Variants in WASL observed in about 807,000 individuals in gnomAD.
The protein encoded by WASL is WASP like actin nucleation promoting factor, also known as actin nucleation-promoting factor WASL.
A neutral mutation model predicts 55.5 loss-of-function variants in WASL; 20 were observed. The observed-to-expected ratio is 0.36, with a 90% CI of 0.25 to 0.52. WASL has a LOEUF of 0.52. Among genes scored for constraint, WASL ranks in the 20% least tolerant of loss-of-function variants. The pLI, the probability that WASL is intolerant of heterozygous loss-of-function variation, is 0.92. For missense variants in WASL, 504 were observed against 622.5 expected, an observed-to-expected ratio of 0.81 and a Z score of 2.03; for synonymous variants, 249 against 217.6, an observed-to-expected ratio of 1.14 and a Z score of -1.27.
rs1803411216 is a variant in WASL at position 123,691,678 on chromosome 7, A to C, written c.1347+669T>G. On this transcript the variant is annotated intron_variant, in intron 9 of 10. Transcript: ENST00000223023. Reference sequence around the variant, plus strand: ...AATGTTTGCTGAACTCTAGAAGATTAAATGACCTGTAAGATTAAATGATTA... The same window carrying C: ...AATGTTTGCTGAACTCTAGAAGATTCAATGACCTGTAAGATTAAATGATTA... Among the ~76,000 whole-genome samples the C allele has an allele frequency of 2.6e-5, 4 of 152,234 alleles. No individual in the cohort carries two copies. In the South Asian group the frequency reaches 6.2e-4, roughly 24 times the overall value.
rs759720155 is a variant in WASL, at chr7:123,692,566, C to T, written c.1128G>A (p.Pro376=). 2.5e-5 allele frequency: 41 copies of T among 1,611,352 alleles called. No homozygotes were observed. The highest frequency in any genetic ancestry group is 3.2e-5 in the Non-Finnish European group (38 of 1,178,186). The part of the protein sequence containing the change: ...LGVGPVAPPP[P]PPPPPPPGPP... ...GCCCAGGAGGAGGTGGAGGTGGAGGCGGTGGGGGTGGTGCCACTGGCCCTA... is the reference window on the plus strand; with the variant it reads ...GCCCAGGAGGAGGTGGAGGTGGAGGTGGTGGGGGTGGTGCCACTGGCCCTA... Residue 376 remains proline (P), a synonymous_variant, in exon 9 of 11, where the codon CCG becomes CCA. Coordinates refer to ENST00000223023, the MANE Select transcript of WASL (RefSeq NM_003941.4).
intron 1 of WASL, among the ~76,000 whole-genome samples, chr7:123,717,721 C>CT (rs963432500): frequency 7.9e-5 from 12 of 151,740 alleles, no homozygotes; most frequent in African/African-American, 2.7e-4. Flanking sequence ...GGTTTCAAAA[C>CT]TTTTTTTTTC....
At chr7:123,716,894 C>T (rs1478235039) in intron 1 of WASL, among the ~76,000 whole-genome samples, 1 of 152,100 alleles carries the variant, frequency 6.6e-6, no homozygotes, top group Non-Finnish European at 1.5e-5. Context: ...TAGGTGAGCT[C>T]AATTTATTTG....
chr7:123,739,066 T>C (rs1163176435), intron 1 of WASL, among the ~76,000 whole-genome samples: 5 of 152,212 alleles, frequency 3.3e-5, no homozygotes, highest in Admixed American at 6.5e-5. Context: ...ATAAGAAATT[T>C]AGTAAACAAT....
intron 10 of WASL, among the ~76,000 whole-genome samples, chr7:123,685,158 A>T (rs1803266149): frequency 6.6e-6 from 1 of 151,932 alleles, no homozygotes; most frequent in Admixed American, 6.6e-5. Context: ...TCTAGAGTCT[A>T]TTTGACTCAG....
chr7:123,734,316 A>C (rs987918698), intron 1 of WASL, among the ~76,000 whole-genome samples: 2 of 152,186 alleles, frequency 1.3e-5, no homozygotes, highest in Non-Finnish European at 2.9e-5. Context: ...CCAATAAAAA[A>C]TCTGACAAAG....
At chr7:123,702,827 A>G (rs1005960200) in intron 5 of WASL, among the ~76,000 whole-genome samples, 1 of 152,126 alleles carries the variant, frequency 6.6e-6, no homozygotes, top group African/African-American at 2.4e-5. Flanking sequence ...TTTTGTATCC[A>G]TGGGGGGATC....
intron 1 of WASL, among the ~76,000 whole-genome samples, chr7:123,711,782 T>C (rs1439421021): frequency 6.6e-6 from 1 of 152,108 alleles, no homozygotes; most frequent in Non-Finnish European, 1.5e-5. Flanking sequence ...TAAGAAGATA[T>C]TAATGAAAAA....
At chr7:123,729,675 G>A (rs1462827100) in intron 1 of WASL, among the ~76,000 whole-genome samples, 1 of 152,100 alleles carries the variant, frequency 6.6e-6, no homozygotes, top group Non-Finnish European at 1.5e-5. Context: ...ACGTATGTGG[G>A]TGTACACATG....
rs3195229 is a variant in WASL, at chr7:123,709,197, T to C, written c.144A>G (p.Leu48=). The change falls in exon 2 of 11, where the codon TTA becomes TTG. Residue 48 remains leucine, a synonymous_variant. Coordinates refer to ENST00000223023, the MANE Select transcript of WASL (RefSeq NM_003941.4). ...CVTMSSAVVQ[L]YAADRNCMWS... is the part of the protein sequence containing the mutation. Reference sequence around the variant, plus strand: ...ACATACAGTTCCGATCTGCTGCATATAACTGCACCACTGCTGAAGACATAG... The same window carrying C: ...ACATACAGTTCCGATCTGCTGCATACAACTGCACCACTGCTGAAGACATAG... The C allele has an allele frequency of 3.1e-3, 5,030 of 1,610,612 alleles. 16 individuals carry two copies. The highest frequency in any genetic ancestry group is 3.8e-3 in the Non-Finnish European group (4,524 of 1,178,118).
Position 123,689,125 on chromosome 7 carries a change from G to A in WASL, c.1373C>T (p.Pro458Leu). ...KSVADGQESTPPTPAPTSGIV... is the reference protein window; with the variant it reads ...KSVADGQESTLPTPAPTSGIV... ...TCCTGAAGTGGGTGCAGGTGTTGGT[G>A]GTGTAGACTCTTGGCCATCAGCCAC... The change falls in exon 10 of 11, where the codon CCA (proline) becomes CTA (leucine). Residue 458 changes from proline (P) to leucine (L), a missense_variant. Physicochemically the swap from Pro to Leu is moderately conservative, Grantham distance 98. Coordinates refer to ENST00000223023, the MANE Select transcript of WASL (RefSeq NM_003941.4). The A allele has an allele frequency of 6.2e-7, 1 of 1,613,536 alleles. No homozygotes were observed. Among genetic ancestry groups the A allele is most frequent in the Non-Finnish European group, 8.5e-7 (1 of 1,179,784 alleles).
chr7:123,692,393 C>T lies in WASL; in HGVS notation c.1301G>A (p.Arg434Gln), dbSNP rs753163293. ...QNSRPVSCSGRDALLDQIRQG... is the reference protein window; with the variant it reads ...QNSRPVSCSGQDALLDQIRQG... ...TCGTATCTGGTCTAACAGTGCATCTCGTCCAGAGCAGGACACTGGCCGACT... is the reference window on the plus strand; with the variant it reads ...TCGTATCTGGTCTAACAGTGCATCTTGTCCAGAGCAGGACACTGGCCGACT... Residue 434 changes from arginine (R) to glutamine (Q), a missense_variant, in exon 9 of 11, where the codon CGA becomes CAA. By Grantham distance (43) the Arg-to-Gln change is conservative. Transcript: ENST00000223023. The T allele has an allele frequency of 2.5e-6, 4 of 1,613,868 alleles. No homozygotes were observed. The highest frequency in any genetic ancestry group is 1.1e-5 in the South Asian group (1 of 91,072).
chr7:123,725,517 AC>A (rs1004019487), intron 1 of WASL, among the ~76,000 whole-genome samples: 5 of 152,156 alleles, frequency 3.3e-5, no homozygotes, highest in Non-Finnish European at 5.9e-5. Flanking sequence ...TTAAAAAAAA[AC>A]AATTTCTTGA....
intron 4 of WASL, among the ~76,000 whole-genome samples, chr7:123,705,380 T>G (rs1803653463): frequency 6.6e-6 from 1 of 152,178 alleles, no homozygotes; most frequent in Non-Finnish European, 1.5e-5. Flanking sequence ...ATACAGGACA[T>G]GGATCAAATA....
Position 123,692,518 on chromosome 7 carries a change from A to C in WASL, c.1176T>G (p.Pro392=), listed in dbSNP as rs767139896. The change falls in exon 9 of 11, where the codon CCT becomes CCG. Residue 392 remains proline (P), a synonymous_variant. Coordinates refer to ENST00000223023, the MANE Select transcript of WASL (RefSeq NM_003941.4). The part of the protein sequence containing the change: ...PPGPPPPPGL[P]SDGDHQVPTT... ...TTGGAACCTGATGGTCCCCATCAGA[A>C]GGCAGGCCAGGCGGGGGCGGTGGCC... 3 of 1,613,920 alleles carry C rather than the reference A, an allele frequency of 1.9e-6. No homozygotes were observed. Among genetic ancestry groups the C allele is most frequent in the South Asian group, 2.2e-5 (2 of 91,062 alleles).
In WASL at chr7:123,694,867, A is replaced by C; in HGVS notation, c.674T>G (p.Leu225Arg). 6.3e-7 allele frequency: 1 copy of C among 1,599,094 alleles called. No individual in the cohort carries two copies. Among genetic ancestry groups the C allele is most frequent in the Middle Eastern group, 1.7e-4 (1 of 5,798 alleles). The change falls in exon 8 of 11, where the codon CTG (leucine) becomes CGG (arginine). Residue 225 changes from leucine to arginine, a missense_variant and splice_region_variant. Transcript: ENST00000223023. The part of the protein sequence containing the change: ...VGWDPNTGFD[L>R]NNLDPELKNL... The stretch of plus-strand genomic sequence containing the variant: ...CTTCAATTCTGGATCCAAATTATTC[A>C]GCTACAAAAGAAAGTAACTGCTAAC...
chr7:123,713,751 G>A (rs1803796500), intron 1 of WASL, among the ~76,000 whole-genome samples: 1 of 152,116 alleles, frequency 6.6e-6, no homozygotes, highest in African/African-American at 2.4e-5. Flanking sequence ...ATATACAGTT[G>A]GCCCTTGAAC....
At chr7:123,716,867 A>C (rs2299984) in intron 1 of WASL, among the ~76,000 whole-genome samples, 113,692 of 151,960 alleles carry the variant, frequency 0.75, 42,853 homozygotes, top group South Asian at 0.83. Context: ...AGCATATAAT[A>C]CAATCCCCTC....
intron 5 of WASL, among the ~76,000 whole-genome samples, chr7:123,702,298 C>T (rs774647165): frequency 2.0e-5 from 3 of 152,060 alleles, no homozygotes; most frequent in African/African-American, 4.8e-5. Context: ...TCAGGTGATC[C>T]GCCCACCTCA....
Sources: gnomAD v4.1 joint callset for allele counts (sites outside exome capture counted in the v4.1 genomes callset) on GRCh38, gnomAD v4.1.1 for gene constraint, MANE v1.5 for transcripts, NCBI Gene and HGNC (gene_info 2026-07-23, HGNC 2026-07-21) for gene names.